Variants in SWT1 observed in about 807,000 individuals in gnomAD.
SWT1 encodes transcriptional protein SWT1.
In SWT1, 33 loss-of-function variants were observed where a neutral mutation model predicts 107.3. The observed-to-expected ratio is 0.31, with a 90% confidence interval of 0.23 to 0.41. The LOEUF is 0.41. SWT1 is among the 10% of genes least tolerant of loss of function. The pLI, the probability that SWT1 is intolerant of heterozygous loss-of-function variation, is 1.00. For missense variants in SWT1, 898 were observed against 1,028.9 expected, an observed-to-expected ratio of 0.87 and a Z score of 1.74; for synonymous variants, 345 against 348.3, an observed-to-expected ratio of 0.99 and a Z score of 0.11.
At chr1:185,192,066 T>A (rs1657000224) in intron 10 of SWT1, among the ~76,000 whole-genome samples, 1 of 152,196 alleles carries the variant, frequency 6.6e-6, no homozygotes, top group South Asian at 2.1e-4. Flanking sequence ...TTAAAATGGA[T>A]GATGATAATG....
At chr1:185,185,793 T>G (rs1055919111) in intron 9 of SWT1, among the ~76,000 whole-genome samples, 1 of 152,152 alleles carries the variant, frequency 6.6e-6, no homozygotes, top group Non-Finnish European at 1.5e-5. Context: ...AGTCTTAAAA[T>G]TTTGAAGAAA....
intron 5 of SWT1, among the ~76,000 whole-genome samples, chr1:185,179,410 T>G (rs113770199): frequency 1.5e-4 from 23 of 152,312 alleles, no homozygotes; most frequent in African/African-American, 5.5e-4. Context: ...CACCTGTATG[T>G]AGGGTCAGGT....
chr1:185,271,237 A>T, intron 16 of SWT1, 86 bp from the exon 17 acceptor site: 1 of 713,020 alleles, frequency 1.4e-6, no homozygotes, highest in South Asian at 1.6e-5. Context: ...CTCTTGTGGT[A>T]TGGGTATGTT....
At chr1:185,257,477 C>G (rs1017918656) in intron 16 of SWT1, among the ~76,000 whole-genome samples, 4 of 152,190 alleles carry the variant, frequency 2.6e-5, no homozygotes, top group Non-Finnish European at 5.9e-5. Flanking sequence ...GGGATATAAT[C>G]TCGTGGTGCG....
chr1:185,254,741 C>G (rs1463894129), intron 16 of SWT1, among the ~76,000 whole-genome samples: 1 of 150,468 alleles, frequency 6.6e-6, no homozygotes, highest in African/African-American at 2.4e-5. Context: ...CTCCTGGATT[C>G]ATTAATTTTT....
At chr1:185,175,563 A>G (rs758722459) in intron 5 of SWT1, among the ~76,000 whole-genome samples, 9 of 152,136 alleles carry the variant, frequency 5.9e-5, no homozygotes, top group Non-Finnish European at 8.8e-5. Context: ...ATAATCATAG[A>G]TGGCTGATTC....
At chr1:185,236,346 G>A (rs568010879) in intron 16 of SWT1, among the ~76,000 whole-genome samples, 3 of 152,260 alleles carry the variant, frequency 2.0e-5, no homozygotes, top group Non-Finnish European at 4.4e-5. Flanking sequence ...AACAAAAACA[G>A]CATGGTACTG....
chr1:185,231,765 A>G, intron 16 of SWT1, 57 bp downstream of exon 16: 2 of 1,424,278 alleles, frequency 1.4e-6, no homozygotes, highest in Non-Finnish European at 1.9e-6. Context: ...TCTTTCTCCT[A>G]GGCTTACCAA....
chr1:185,165,457 C>CT (rs955315657), intron 2 of SWT1, among the ~76,000 whole-genome samples: 7 of 152,212 alleles, frequency 4.6e-5, no homozygotes, highest in African/African-American at 1.7e-4. Context: ...TGTTCAGAGT[C>CT]TGACTATCTC....
Position 185,290,657 on chromosome 1 carries a change from ATTTC to A in SWT1, c.2574-13_2574-10del, listed in dbSNP as rs776942471. On this transcript the variant is annotated splice_polypyrimidine_tract_variant and intron_variant, in intron 18 of 18. Coordinates refer to ENST00000367500, the MANE Select transcript of SWT1 (RefSeq NM_017673.7). Reference sequence around the variant, plus strand: ...ACTAGCTGTCTTGCAATGATTTAATATTTCTTTTTCTCCTAGGGAAAAGTTAACC... The same window carrying A: ...ACTAGCTGTCTTGCAATGATTTAATATTTTTCTCCTAGGGAAAAGTTAACC... The A allele has an allele frequency of 6.4e-7, 1 of 1,556,228 alleles. No individual in the cohort carries two copies. Among genetic ancestry groups the A allele is most frequent in the East Asian group, 2.3e-5 (1 of 43,504 alleles).
intron 5 of SWT1, among the ~76,000 whole-genome samples, chr1:185,177,655 T>G (rs576655660): frequency 2.5e-4 from 38 of 152,358 alleles, no homozygotes; most frequent in African/African-American, 8.2e-4. Flanking sequence ...ATTATTTTCC[T>G]AAAATAATGA....
chr1:185,219,026 G>T (rs1353114172), intron 14 of SWT1, among the ~76,000 whole-genome samples: 1 of 152,132 alleles, frequency 6.6e-6, no homozygotes, highest in Non-Finnish European at 1.5e-5. Flanking sequence ...TAAATGCTGG[G>T]CTGTATTTTA....
chr1:185,204,334 T>C (rs1658136579), intron 11 of SWT1, among the ~76,000 whole-genome samples: 1 of 152,050 alleles, frequency 6.6e-6, no homozygotes, highest in African/African-American at 2.4e-5. Context: ...TTTTGATCCA[T>C]AGTTCTTGGT....
chr1:185,185,191 G>C lies in SWT1; in HGVS notation c.1429+260G>C, dbSNP rs79613567. Among the ~76,000 whole-genome samples, 885 of 152,202 alleles carry C rather than the reference G, an allele frequency of 5.8e-3. 34 individuals carry two copies. In the East Asian group the frequency reaches 0.094, roughly 16 times the overall value. On this transcript the variant is annotated intron_variant, in intron 9 of 18. Transcript: ENST00000367500. ...TGTATGCATAATTATCTATATCCCA[G>C]AACCTTGGACTCCTTTTTTAAAAAT...
chr1:185,235,416 T>A (rs10737257), intron 16 of SWT1, among the ~76,000 whole-genome samples: 128,433 of 152,164 alleles, frequency 0.84, 54,622 homozygotes, highest in African/African-American at 0.95. Context: ...ACATACGCAA[T>A]TCAATAAATG....
At chr1:185,272,949 T>G (rs766519943) in intron 17 of SWT1, among the ~76,000 whole-genome samples, 7 of 151,946 alleles carry the variant, frequency 4.6e-5, no homozygotes, top group Non-Finnish European at 1.0e-4. Context: ...GGAGAGATTA[T>G]TTGAGTCCGG....
At chr1:185,281,189 T>C in intron 18 of SWT1, 1 of 233,546 alleles carries the variant, frequency 4.3e-6, no homozygotes, top group South Asian at 6.1e-5. Flanking sequence ...TTGCCATCAA[T>C]GAAGTAATGA....
At chr1:185,192,142 T>C (rs527699081) in intron 10 of SWT1, among the ~76,000 whole-genome samples, 2 of 152,336 alleles carry the variant, frequency 1.3e-5, no homozygotes, top group East Asian at 3.9e-4. Flanking sequence ...TCATTCTAAG[T>C]GCTTACATTT....
chr1:185,182,586 G>A (rs1432422915), intron 7 of SWT1, among the ~76,000 whole-genome samples: 1 of 147,984 alleles, frequency 6.8e-6, no homozygotes, highest in East Asian at 2.0e-4. Context: ...GATTGCTTGA[G>A]CCTGGGAGGT....
Sources: gnomAD v4.1 joint callset for allele counts (sites outside exome capture counted in the v4.1 genomes callset) on GRCh38, gnomAD v4.1.1 for gene constraint, MANE v1.5 for transcripts, NCBI Gene and HGNC (gene_info 2026-07-23, HGNC 2026-07-21) for gene names.